NOCT: variants seen among roughly 807,000 people sequenced by gnomAD.
The protein encoded by NOCT is CCR4 carbon catabolite repression 4-like.
In NOCT, 18 loss-of-function variants were observed where a neutral mutation model predicts 35.0. That is an observed-to-expected ratio of 0.51 (90% CI 0.36 to 0.76). The LOEUF is 0.76. Among genes scored for constraint, NOCT ranks in the 30% least tolerant of loss-of-function variants. NOCT has a pLI of 0.01. For synonymous variants in NOCT, 235 were observed against 226.3 expected (o/e 1.04, Z -0.34); for missense variants, 479 against 541.0 (o/e 0.89, Z 1.14).
intron 1 of NOCT, among the ~76,000 whole-genome samples, chr4:139,024,616 G>A (rs1726479796): frequency 6.6e-6 from 1 of 151,616 alleles, no homozygotes; most frequent in Non-Finnish European, 1.5e-5. Context: ...TTTTGAGATG[G>A]GGTCTCGCTC....
At chr4:139,039,808 A>G (rs963314694) in intron 1 of NOCT, among the ~76,000 whole-genome samples, 6 of 151,592 alleles carry the variant, frequency 4.0e-5, no homozygotes, top group African/African-American at 1.2e-4. Context: ...GCTTCCTGCA[A>G]CCTCCTCCTC....
chr4:139,043,301 C>T lies in NOCT; in HGVS notation c.418C>T (p.His140Tyr), dbSNP rs2271777. Residue 140 changes from histidine (H) to tyrosine (Y), a missense_variant, in exon 2 of 3, where the codon CAC becomes TAC. Physicochemically the swap from His to Tyr is moderately conservative, Grantham distance 83 (BLOSUM62 2). Coordinates refer to ENST00000280614, the MANE Select transcript of NOCT (RefSeq NM_012118.4). Reference protein sequence around the residue: ...VDLRTDCPSTHPPIRVMQWNI... With the variant: ...VDLRTDCPSTYPPIRVMQWNI... ...TCTGAGGACAGATTGCCCTAGTACC[C>T]ACCCACCTATCAGGGTTATGCAATG... The T allele has an allele frequency of 7.9e-3, 12,748 of 1,614,078 alleles. 434 individuals are homozygous for T. The East Asian group carries it at 0.088, about 11-fold the overall frequency.
In NOCT at chr4:139,038,517, G is replaced by A. The variant is rs373135291; in HGVS notation, c.191-4557G>A. 1.8e-4 allele frequency among the ~76,000 whole-genome samples: 28 copies of A among 152,102 alleles called. No homozygotes were observed. In the South Asian group the frequency reaches 4.2e-3, roughly 23 times the overall value. On this transcript the variant is annotated intron_variant, in intron 1 of 2. Transcript: ENST00000280614. ...GAATGAATAGCCTATTAAATGCATC[G>A]CAAAAACTAGATCCCCCTAAAAGAC...
chr4:139,016,331 T>TCCTCTTTC (rs1241995456), intron 1 of NOCT, among the ~76,000 whole-genome samples, 160 bp downstream of exon 1: 5 of 152,016 alleles, frequency 3.3e-5, no homozygotes, highest in Non-Finnish European at 7.4e-5. Context: ...GTTCCCTTTT[T>TCCTCTTTC]CCTCTTTCCC....
chr4:139,037,943 A>G (rs908886598), intron 1 of NOCT, among the ~76,000 whole-genome samples: 2 of 151,156 alleles, frequency 1.3e-5, no homozygotes, highest in South Asian at 2.1e-4. Context: ...GCTCACGCCT[A>G]TAATTCCCAG....
At chr4:139,027,686 GAC>G (rs1272098127) in intron 1 of NOCT, among the ~76,000 whole-genome samples, 4 of 152,028 alleles carry the variant, frequency 2.6e-5, no homozygotes, top group Admixed American at 2.0e-4. Flanking sequence ...TTTTAGTAGA[GAC>G]AGCATTTCAC....
rs1726424992 is a variant in NOCT at position 139,022,028 on chromosome 4, G to T, written c.190+5857G>T. 2.0e-5 allele frequency among the ~76,000 whole-genome samples: 3 copies of T among 152,124 alleles called. No individual in the cohort carries two copies. The South Asian group carries it at 6.2e-4, about 31-fold the overall frequency. On this transcript the variant is annotated intron_variant, in intron 1 of 2. Transcript: ENST00000280614. Reference sequence around the variant, plus strand: ...CCCGCCTTGGCCTCCCAGAGTGCTGGGATTACAGGTGTGAGCCACCACGCC... The same window carrying T: ...CCCGCCTTGGCCTCCCAGAGTGCTGTGATTACAGGTGTGAGCCACCACGCC...
intron 1 of NOCT, among the ~76,000 whole-genome samples, chr4:139,022,607 TA>T (rs1368226761): frequency 5.9e-5 from 9 of 152,240 alleles, no homozygotes; most frequent in Non-Finnish European, 1.3e-4. Flanking sequence ...CTCGTTTTAC[TA>T]AATGCTTAGA....
intron 1 of NOCT, among the ~76,000 whole-genome samples, chr4:139,041,777 T>TA (rs1364720694): frequency 6.6e-6 from 1 of 152,208 alleles, no homozygotes; most frequent in African/African-American, 2.4e-5. Context: ...TCTAAGCCCT[T>TA]CTGGCCTCAG....
chr4:139,030,468 G>A (rs1390757433), intron 1 of NOCT, among the ~76,000 whole-genome samples: 1 of 152,164 alleles, frequency 6.6e-6, no homozygotes, highest in Non-Finnish European at 1.5e-5. Flanking sequence ...AACAGTCCCT[G>A]CCCTTGGGAG....
intron 1 of NOCT, among the ~76,000 whole-genome samples, chr4:139,032,999 A>T (rs1187776856): frequency 1.3e-5 from 2 of 151,692 alleles, no homozygotes; most frequent in Non-Finnish European, 2.9e-5. Flanking sequence ...TGGGGGGCGG[A>T]GGCTGCAGTG....
chr4:139,017,485 C>T (rs1178981652), intron 1 of NOCT, among the ~76,000 whole-genome samples: 8 of 150,870 alleles, frequency 5.3e-5, no homozygotes, highest in African/African-American at 1.9e-4. Flanking sequence ...GCTTTGGCCT[C>T]CCAAAGTGCT....
At chr4:139,034,408 T>C (rs1195515512) in intron 1 of NOCT, among the ~76,000 whole-genome samples, 1 of 152,204 alleles carries the variant, frequency 6.6e-6, no homozygotes, top group Non-Finnish European at 1.5e-5. Flanking sequence ...GTCTTCAGTC[T>C]TCTTTAGTTT....
At chr4:139,042,914 CAA>C (rs375909985) in intron 1 of NOCT, among the ~76,000 whole-genome samples, 158 bp from the exon 2 acceptor site, 40 of 81,686 alleles carry the variant, frequency 4.9e-4, no homozygotes, top group Admixed American at 5.5e-4. Flanking sequence ...AACTCCATCT[CAA>C]AAAAAAAAAA....
chr4:139,017,795 TCAAAA>T (rs1021374551), intron 1 of NOCT, among the ~76,000 whole-genome samples: 2 of 152,078 alleles, frequency 1.3e-5, no homozygotes, highest in African/African-American at 4.8e-5. Flanking sequence ...AAACTCCGTC[TCAAAA>T]CAAAATTAAT....
At chr4:139,039,461 G>T (rs750984026) in intron 1 of NOCT, among the ~76,000 whole-genome samples, 2 of 150,546 alleles carry the variant, frequency 1.3e-5, no homozygotes, top group Admixed American at 1.3e-4. Context: ...TACTTTTTAA[G>T]TATTTTTTTT....
intron 1 of NOCT, among the ~76,000 whole-genome samples, chr4:139,042,186 G>A (rs1160057690): frequency 6.8e-6 from 1 of 147,392 alleles, no homozygotes; most frequent in East Asian, 2.0e-4. Context: ...GCCTGCCTCA[G>A]CCTCCTGAGT....
At position 139,043,114 on chromosome 4, in the gene NOCT, T is replaced by C. The variant is rs200357518; in HGVS notation, c.231T>C (p.Ala77=). Residue 77 remains alanine, a synonymous_variant, in exon 2 of 3, where the codon GCT becomes GCC. Transcript: ENST00000280614. The part of the protein sequence containing the change: ...MGTGTSRLYS[A]LAKTLNSSAA... Reference sequence around the variant, plus strand: ...CCGGTACAAGCAGACTCTATAGTGCTCTCGCCAAGACACTGAACAGCAGCG... The same window carrying C: ...CCGGTACAAGCAGACTCTATAGTGCCCTCGCCAAGACACTGAACAGCAGCG... 2.4e-5 allele frequency: 38 copies of C among 1,613,362 alleles called. No individual in the cohort carries two copies. The highest frequency in any genetic ancestry group is 5.0e-5 in the Admixed American group (3 of 59,970).
In NOCT at chr4:139,022,263, G is replaced by A. The variant is rs764847835; in HGVS notation, c.190+6092G>A. Among the ~76,000 whole-genome samples, 4 of 152,232 alleles carry A rather than the reference G, an allele frequency of 2.6e-5. No individual in the cohort carries two copies. In the South Asian group the frequency reaches 8.3e-4, roughly 32 times the overall value. ...ATCAGCCTTCCCACGGAGGGAGTGA[G>A]ACCTCAAGTGAAAACCTTAGCTGTC... On this transcript the variant is annotated intron_variant, in intron 1 of 2. Transcript: ENST00000280614.
Sources: gnomAD v4.1 joint callset for allele counts (sites outside exome capture counted in the v4.1 genomes callset) on GRCh38, gnomAD v4.1.1 for gene constraint, MANE v1.5 for transcripts, NCBI Gene and HGNC (gene_info 2026-07-23, HGNC 2026-07-21) for gene names.